Variants in CRTAM observed in about 807,000 individuals in gnomAD.
The protein encoded by CRTAM is cytotoxic and regulatory T-cell molecule.
In CRTAM, 44 loss-of-function variants were observed where a neutral mutation model predicts 50.0. That is an observed-to-expected ratio of 0.88 (90% CI 0.69 to 1.13). The LOEUF is 1.13. Ranked by LOEUF, CRTAM falls within the 50% of genes most tolerant of loss-of-function variation. CRTAM has a pLI of 0.00. For missense variants in CRTAM, 448 were observed against 457.5 expected (o/e 0.98, Z 0.19); for synonymous variants, 159 against 169.3 (o/e 0.94, Z 0.47).
chr11:122,838,928 T>A (rs1861765522), intron 1 of CRTAM, among the ~76,000 whole-genome samples: 1 of 152,036 alleles, frequency 6.6e-6, no homozygotes, highest in South Asian at 2.1e-4. Context: ...TATTTTATTT[T>A]ATTTATTTAT....
intron 8 of CRTAM, 96 bp from the exon 9 acceptor site, chr11:122,867,917 C>T (rs1565294416): frequency 1.3e-6 from 1 of 746,508 alleles, no homozygotes; most frequent in South Asian, 1.7e-5. Flanking sequence ...GGTAAGTCTA[C>T]TATTGCACAG....
At chr11:122,845,754 G>T (rs190980080) in intron 1 of CRTAM, among the ~76,000 whole-genome samples, 1 of 151,930 alleles carries the variant, frequency 6.6e-6, no homozygotes, top group Non-Finnish European at 1.5e-5. Flanking sequence ...GAATAGGGTA[G>T]TATAGGATAG....
At chr11:122,870,544 T>C (rs1862240449) in intron 9 of CRTAM, among the ~76,000 whole-genome samples, 1 of 152,196 alleles carries the variant, frequency 6.6e-6, no homozygotes, top group African/African-American at 2.4e-5. Flanking sequence ...TTTAATTGTG[T>C]TGTTTTGGAC....
intron 6 of CRTAM, among the ~76,000 whole-genome samples, chr11:122,863,306 G>A (rs1202300512): frequency 1.5e-4 from 19 of 123,832 alleles, no homozygotes; most frequent in African/African-American, 5.7e-4. Flanking sequence ...AAGAGAGAAA[G>A]AAAAGAAAGA....
At chr11:122,849,675 T>C (rs1804805454) in intron 1 of CRTAM, among the ~76,000 whole-genome samples, 1 of 152,092 alleles carries the variant, frequency 6.6e-6, no homozygotes, top group Non-Finnish European at 1.5e-5. Context: ...TGAGCTGAGA[T>C]TGTGCCACTG....
chr11:122,845,522 T>A (rs1424274780), intron 1 of CRTAM, among the ~76,000 whole-genome samples: 6 of 151,964 alleles, frequency 3.9e-5, no homozygotes, highest in African/African-American at 1.4e-4. Context: ...CAGGACAACA[T>A]GGTAAAACTC....
chr11:122,867,303 T>A, intron 7 of CRTAM, 106 bp from the exon 8 acceptor site: 8 of 965,418 alleles, frequency 8.3e-6, no homozygotes, highest in Non-Finnish European at 1.2e-5. Context: ...ATCTGAGCTG[T>A]CTATTAGCTT....
At chr11:122,856,624 GA>G (rs1862011188) in intron 5 of CRTAM, among the ~76,000 whole-genome samples, 1 of 152,202 alleles carries the variant, frequency 6.6e-6, no homozygotes, top group Non-Finnish European at 1.5e-5. Context: ...AGTGAAAGAG[GA>G]AACTGTTGGA....
At chr11:122,859,480 C>T (rs532015242) in intron 5 of CRTAM, among the ~76,000 whole-genome samples, 28 of 152,106 alleles carry the variant, frequency 1.8e-4, no homozygotes, top group Non-Finnish European at 3.5e-4. Context: ...GTGAAAATGT[C>T]ATTTTTTTAC....
At chr11:122,849,284 A>G (rs529545316) in intron 1 of CRTAM, among the ~76,000 whole-genome samples, 1 of 152,364 alleles carries the variant, frequency 6.6e-6, no homozygotes, top group East Asian at 1.9e-4. Context: ...TGTGGCTTAG[A>G]TAGGCTGATG....
intron 9 of CRTAM, among the ~76,000 whole-genome samples, chr11:122,870,238 G>A (rs186771003): frequency 9.2e-5 from 14 of 151,994 alleles, no homozygotes; most frequent in East Asian, 1.9e-4. Context: ...GCACCACCAC[G>A]CCCAGTTAAT....
chr11:122,844,629 T>G (rs1861840239), intron 1 of CRTAM, among the ~76,000 whole-genome samples: 1 of 152,234 alleles, frequency 6.6e-6, no homozygotes, highest in Admixed American at 6.5e-5. Flanking sequence ...CTTTTCAAGC[T>G]CACATTGTAA....
chr11:122,842,111 T>A (rs1360660341), intron 1 of CRTAM, among the ~76,000 whole-genome samples: 2 of 152,124 alleles, frequency 1.3e-5, no homozygotes, highest in African/African-American at 4.8e-5. Context: ...CAAGTGGACA[T>A]GTACAAGGAC....
At chr11:122,855,550 C>T (rs573761767) in intron 4 of CRTAM, 145 bp from the exon 5 acceptor site, 2 of 628,638 alleles carry the variant, frequency 3.2e-6, no homozygotes, top group African/African-American at 3.7e-5. Context: ...GTGACCAGAA[C>T]CAAGCCTATA....
intron 9 of CRTAM, 48 bp downstream of exon 9, chr11:122,868,147 G>A (rs751100414): frequency 1.7e-6 from 2 of 1,151,658 alleles, no homozygotes; most frequent in Non-Finnish European, 2.6e-6. Context: ...GTTCATTAAT[G>A]TATTAGTCAG....
rs141753598 is a variant in CRTAM at position 122,848,782 on chromosome 11, T to A, written c.47-1286T>A. 2.0e-5 allele frequency among the ~76,000 whole-genome samples: 3 copies of A among 152,344 alleles called. 1 individual carries two copies. The East Asian group carries it at 5.8e-4, about 29-fold the overall frequency. On this transcript the variant is annotated intron_variant, in intron 1 of 9. Coordinates refer to ENST00000227348, the MANE Select transcript of CRTAM (RefSeq NM_019604.4). ...CTTGTTACATTTGCTATTCATAATT[T>A]ATAACCCCATGGTATTCTTCTGTTT...
chr11:122,863,436 T>G lies in CRTAM; in HGVS notation c.733+892T>G, dbSNP rs1862125922. Among the ~76,000 whole-genome samples, 3 of 152,204 alleles carry G rather than the reference T, an allele frequency of 2.0e-5. No homozygotes were observed. In the South Asian group the frequency reaches 6.2e-4, roughly 31 times the overall value. ...ACTATTAGCCTCATCCAGAAAGGCA[T>G]AAATTCCTACATATTCTCTTTCCAT... On this transcript the variant is annotated intron_variant, in intron 6 of 9. Coordinates refer to ENST00000227348, the MANE Select transcript of CRTAM (RefSeq NM_019604.4).
At chr11:122,848,265 G>A (rs1448362387) in intron 1 of CRTAM, among the ~76,000 whole-genome samples, 1 of 152,196 alleles carries the variant, frequency 6.6e-6, no homozygotes, top group Admixed American at 6.5e-5. Flanking sequence ...GGACTCAATG[G>A]CTTCTTAAAT....
chr11:122,867,577 CG>C (rs1862195772), intron 8 of CRTAM, 22 bp downstream of exon 8: 1 of 1,604,578 alleles, frequency 6.2e-7, no homozygotes, highest in East Asian at 2.2e-5. Flanking sequence ...GGGAACCTGA[CG>C]GGGGCTATAA....
Sources: gnomAD v4.1 joint callset for allele counts (sites outside exome capture counted in the v4.1 genomes callset) on GRCh38, gnomAD v4.1.1 for gene constraint, MANE v1.5 for transcripts, NCBI Gene and HGNC (gene_info 2026-07-23, HGNC 2026-07-21) for gene names.